The following MIGA1 variants were observed in gnomAD, a reference collection of about 807,000 sequenced individuals.
MIGA1 encodes the protein family with sequence similarity 73, member A.
MIGA1 carries 58 observed loss-of-function variants against 82.0 expected under a neutral mutation model. The ratio of observed to expected loss-of-function variants is 0.71; its 90% CI spans 0.57 to 0.88. The LOEUF is 0.88. Among genes scored for constraint, MIGA1 ranks in the 40% least tolerant of loss-of-function variants. The probability of loss-of-function intolerance (pLI) is 0.00; values close to 1 mark genes in which losing one functional copy is unlikely to be tolerated. For synonymous variants in MIGA1, 249 were observed against 253.6 expected (o/e 0.98, Z 0.17); for missense variants, 751 against 749.1 (o/e 1.00, Z -0.03).
chr1:77,832,465 A>G (rs1429886395), intron 7 of MIGA1, among the ~76,000 whole-genome samples: 1 of 152,238 alleles, frequency 6.6e-6, no homozygotes, highest in East Asian at 1.9e-4. Context: ...GTACATAATA[A>G]CATGTTTATA....
intron 3 of MIGA1, among the ~76,000 whole-genome samples, chr1:77,802,437 A>G (rs1682922267): frequency 6.6e-6 from 1 of 152,334 alleles, no homozygotes; most frequent in African/African-American, 2.4e-5. Flanking sequence ...CATATAATTT[A>G]TAAGTGCCGG....
At chr1:77,866,166 C>T (rs150334586) in intron 13 of MIGA1, among the ~76,000 whole-genome samples, 172 bp from the exon 14 acceptor site, 1,714 of 152,228 alleles carry the variant, frequency 0.011, 7 homozygotes, top group Non-Finnish European at 0.017. Flanking sequence ...CCACCCGCCT[C>T]GGCTTCCCAA....
intron 1 of MIGA1, among the ~76,000 whole-genome samples, chr1:77,780,993 G>A (rs1351598069): frequency 3.4e-5 from 5 of 148,264 alleles, no homozygotes; most frequent in Non-Finnish European, 4.4e-5. Flanking sequence ...TGCAACCTCC[G>A]CCCCTAGGGT....
intron 7 of MIGA1, among the ~76,000 whole-genome samples, chr1:77,831,840 G>T (rs545818638): frequency 1.3e-5 from 2 of 152,156 alleles, no homozygotes; most frequent in Non-Finnish European, 2.9e-5. Flanking sequence ...TTAAGCCCAG[G>T]AAGTTTAGGC....
chr1:77,793,108 T>C (rs761018294), intron 2 of MIGA1, among the ~76,000 whole-genome samples: 2 of 151,656 alleles, frequency 1.3e-5, no homozygotes, highest in Non-Finnish European at 2.9e-5. Context: ...TTTGTTTGTA[T>C]GTTTTTTGTT....
intron 8 of MIGA1, among the ~76,000 whole-genome samples, chr1:77,845,876 T>C (rs902760026): frequency 6.6e-6 from 1 of 152,158 alleles, no homozygotes; most frequent in Non-Finnish European, 1.5e-5. Flanking sequence ...ATCAATCATT[T>C]GTGAAAGTGA....
rs899258647 is a variant in MIGA1, at chr1:77,875,517, T to C, written c.*453T>C. 7 of 158,200 alleles carry C rather than the reference T, an allele frequency of 4.4e-5. No individual in the cohort carries two copies. The highest frequency in any genetic ancestry group is 2.4e-4 in the Admixed American group (4 of 16,342). The allele number at this position is 158,200 out of a possible 1,614,324, so 9.8% of individuals were successfully genotyped here. The stretch of plus-strand genomic sequence containing the variant: ...CTTTGCCTAGAAACATATTTTTAAT[T>C]ATAAAGTTATTCATTTGTTTAATCA... On this transcript the variant is annotated 3_prime_UTR_variant, in exon 16 of 16. Transcript: ENST00000370791.
intron 14 of MIGA1, among the ~76,000 whole-genome samples, chr1:77,867,684 T>G (rs1162005812): frequency 2.0e-5 from 3 of 152,252 alleles, no homozygotes; most frequent in Non-Finnish European, 4.4e-5. Flanking sequence ...CTTGGCATAG[T>G]GCATTAAGCA....
intron 8 of MIGA1, among the ~76,000 whole-genome samples, chr1:77,852,257 T>C (rs938030374): frequency 6.6e-6 from 1 of 152,168 alleles, no homozygotes; most frequent in Non-Finnish European, 1.5e-5. Flanking sequence ...GTGGGTCTTA[T>C]TTGTTTTGAC....
At chr1:77,794,628 A>G (rs550909785) in intron 2 of MIGA1, among the ~76,000 whole-genome samples, 10 of 152,114 alleles carry the variant, frequency 6.6e-5, no homozygotes, top group Admixed American at 3.3e-4. Context: ...TAATCCCAGC[A>G]CTTTGGCATG....
chr1:77,811,570 T>C, intron 5 of MIGA1: 2 of 1,611,818 alleles, frequency 1.2e-6, no homozygotes. Flanking sequence ...ACTTCGCAAT[T>C]CCAAGCATGT....
In MIGA1 at chr1:77,783,262, G is replaced by T; in HGVS notation, c.106G>T (p.Glu36Ter). Residue 36 changes from glutamate to a stop codon, truncating the protein, a stop_gained, in exon 2 of 16, where the codon GAA becomes TAA. Transcript: ENST00000370791. LOFTEE classifies it high-confidence loss of function. ...GATTAGAAGAGGAGCCATGTCAGAA[G>T]AAACAGTAAGTGAATCACAGTTTTC... 2 of 1,591,498 alleles carry T rather than the reference G, an allele frequency of 1.3e-6. No individual in the cohort carries two copies. Among genetic ancestry groups the T allele is most frequent in the Non-Finnish European group, 1.7e-6 (2 of 1,164,684 alleles).
chr1:77,850,357 C>T (rs1685000838), intron 8 of MIGA1, among the ~76,000 whole-genome samples: 1 of 152,082 alleles, frequency 6.6e-6, no homozygotes, highest in African/African-American at 2.4e-5. Flanking sequence ...ATGTGAGTAA[C>T]CAGGGTGAGA....
chr1:77,850,034 C>T (rs906498857), intron 8 of MIGA1, among the ~76,000 whole-genome samples: 2 of 97,378 alleles, frequency 2.1e-5, no homozygotes, highest in Admixed American at 2.3e-4. Flanking sequence ...GACTCTCTCT[C>T]AAAAAAAAAA....
At chr1:77,804,546 C>G (rs1344687685) in intron 4 of MIGA1, among the ~76,000 whole-genome samples, 1 of 151,336 alleles carries the variant, frequency 6.6e-6, no homozygotes, top group Non-Finnish European at 1.5e-5. Flanking sequence ...AACTTTGTCT[C>G]TAAAAAAAAT....
At position 77,871,137 on chromosome 1, in the gene MIGA1, A is replaced by AGAGGGAGAGGGC. The variant is rs1557940670; in HGVS notation, c.1564-1862_1564-1861insAGAGGGCGAGGG. Among the ~76,000 whole-genome samples the AGAGGGAGAGGGC allele has an allele frequency of 1.7e-4, 25 of 144,794 alleles. 2 individuals carry two copies. The highest frequency in any genetic ancestry group is 2.9e-4 in the Non-Finnish European group (19 of 65,572). 95.0% of individuals were successfully genotyped at this position (144,794 alleles called of 152,430 possible). The stretch of plus-strand genomic sequence containing the variant: ...AGGGAGAGGGAGAGGAGGGAGAGGG[A>AGAGGGAGAGGGC]GAGGGCAGCACATTTTCTAGAATAT... On this transcript the variant is annotated intron_variant, in intron 14 of 15. Transcript: ENST00000370791.
At chr1:77,843,560 A>C (rs1476598481) in intron 8 of MIGA1, among the ~76,000 whole-genome samples, 153 bp downstream of exon 8, 2 of 152,220 alleles carry the variant, frequency 1.3e-5, no homozygotes, top group Non-Finnish European at 2.9e-5. Flanking sequence ...ATCTAACATG[A>C]AAATAAGCTC....
intron 7 of MIGA1, among the ~76,000 whole-genome samples, chr1:77,825,188 G>A (rs1683983937): frequency 1.3e-5 from 2 of 151,760 alleles, no homozygotes. Flanking sequence ...TGTATTTTTA[G>A]TTGAGGCGGA....
chr1:77,796,552 A>T (rs1028497248), intron 2 of MIGA1, among the ~76,000 whole-genome samples: 1 of 152,086 alleles, frequency 6.6e-6, no homozygotes, highest in African/African-American at 2.4e-5. Context: ...TTTTCCAAAT[A>T]GCTGAGACTA....
Sources: gnomAD v4.1 joint callset for allele counts (sites outside exome capture counted in the v4.1 genomes callset) on GRCh38, gnomAD v4.1.1 for gene constraint, MANE v1.5 for transcripts, NCBI Gene and HGNC (gene_info 2026-07-23, HGNC 2026-07-21) for gene names.